The following ITPR2 variants were observed in gnomAD, a reference collection of about 807,000 sequenced individuals.
ITPR2 encodes the protein inositol 1,4,5-trisphosphate receptor type 2, also known as inositol 1,4,5-trisphosphate-gated calcium channel ITPR2.
A neutral mutation model predicts 317.1 loss-of-function variants in ITPR2; 207 were observed. That is an observed-to-expected ratio of 0.65 (90% confidence interval 0.58 to 0.73). The LOEUF (loss-of-function observed/expected upper bound fraction) is 0.73, where lower values mean the gene tolerates loss of function less well. Among genes scored for constraint, ITPR2 ranks in the 30% least tolerant of loss-of-function variants. The pLI, the probability that ITPR2 is intolerant of heterozygous loss-of-function variation, is 0.00. For missense variants in ITPR2, 2,613 were observed against 3,284.0 expected, an observed-to-expected ratio of 0.80 and a Z score of 4.99; for synonymous variants, 1,156 against 1,149.1, an observed-to-expected ratio of 1.01 and a Z score of -0.12.
At chr12:26,763,534 T>C (rs917585916) in intron 2 of ITPR2, among the ~76,000 whole-genome samples, 4 of 152,074 alleles carry the variant, frequency 2.6e-5, no homozygotes, top group Non-Finnish European at 4.4e-5. Flanking sequence ...AGGATAGTAG[T>C]TATCTTTGTG....
At chr12:26,378,545 T>C (rs1939412676) in intron 55 of ITPR2, among the ~76,000 whole-genome samples, 1 of 152,202 alleles carries the variant, frequency 6.6e-6, no homozygotes, top group African/African-American at 2.4e-5. Context: ...GGTGCAGTGG[T>C]GTGATTTGAC....
chr12:26,632,066 TGAGAAAA>T lies in ITPR2; in HGVS notation c.2741-14_2741-8del. The stretch of plus-strand genomic sequence containing the variant: ...GTTCTCATCACATTGTTTCCTGGCA[TGAGAAAA>T]TGCCGTAAGTCAACACACACAACCC... On this transcript the variant is annotated splice_region_variant and splice_polypyrimidine_tract_variant and intron_variant, in intron 21 of 56. Transcript: ENST00000381340. 1 of 1,527,068 alleles carries T rather than the reference TGAGAAAA, an allele frequency of 6.5e-7. No homozygotes were observed. Among genetic ancestry groups the T allele is most frequent in the South Asian group, 1.3e-5 (1 of 76,366 alleles). The allele number at this position is 1,527,068 out of a possible 1,614,324, so 94.6% of individuals were successfully genotyped here.
intron 37 of ITPR2, among the ~76,000 whole-genome samples, chr12:26,509,565 T>C (rs989335879): frequency 6.6e-6 from 1 of 152,216 alleles, no homozygotes; most frequent in African/African-American, 2.4e-5. Flanking sequence ...TGCATTTAGG[T>C]GCATCTGTGC....
intron 55 of ITPR2, among the ~76,000 whole-genome samples, chr12:26,367,160 T>C (rs1039911932): frequency 3.9e-5 from 6 of 152,180 alleles, no homozygotes; most frequent in African/African-American, 9.7e-5. Flanking sequence ...TTTGAGAAAA[T>C]TGTATAAAGT....
intron 39 of ITPR2, 119 bp downstream of exon 39, chr12:26,494,034 T>C (rs1436511796): frequency 5.8e-6 from 4 of 694,842 alleles, no homozygotes; most frequent in African/African-American, 5.6e-5. Flanking sequence ...ACATGGATTT[T>C]TTTTTTTTTA....
At chr12:26,476,837 T>C (rs1303108112) in intron 44 of ITPR2, 75 bp downstream of exon 44, 1 of 876,918 alleles carries the variant, frequency 1.1e-6, no homozygotes, top group Non-Finnish European at 1.8e-6. Context: ...TCAACTTTTT[T>C]TTCTGACATG....
At chr12:26,413,734 T>C (rs1940626583) in intron 51 of ITPR2, among the ~76,000 whole-genome samples, 1 of 152,158 alleles carries the variant, frequency 6.6e-6, no homozygotes, top group South Asian at 2.1e-4. Flanking sequence ...TGTGTATAAA[T>C]ATTTTTAAGT....
At chr12:26,353,348 C>CAACAA (rs1938541232) in intron 55 of ITPR2, among the ~76,000 whole-genome samples, 2 of 152,202 alleles carry the variant, frequency 1.3e-5, no homozygotes, top group Non-Finnish European at 2.9e-5. Context: ...AAAAGGTCAA[C>CAACAA]AACAAAACAA....
chr12:26,647,497 G>A (rs1263044632), intron 21 of ITPR2, among the ~76,000 whole-genome samples: 1 of 152,224 alleles, frequency 6.6e-6, no homozygotes, highest in Non-Finnish European at 1.5e-5. Context: ...TAAAACAGAT[G>A]TATGCTTCTA....
intron 13 of ITPR2, among the ~76,000 whole-genome samples, chr12:26,679,434 T>A (rs1289129539): frequency 6.6e-6 from 1 of 152,160 alleles, no homozygotes; most frequent in Non-Finnish European, 1.5e-5. Flanking sequence ...GTGAATCCCA[T>A]GAAGCCATCA....
intron 31 of ITPR2, 96 bp downstream of exon 31, chr12:26,596,787 A>G: frequency 2.1e-6 from 2 of 974,202 alleles, no homozygotes; most frequent in Non-Finnish European, 3.0e-6. Context: ...ATATGATCTC[A>G]TTATAAATAT....
intron 26 of ITPR2, among the ~76,000 whole-genome samples, chr12:26,605,019 C>T (rs1378777439): frequency 1.3e-5 from 2 of 149,126 alleles, no homozygotes; most frequent in East Asian, 2.0e-4. Context: ...ACCTGAGAGG[C>T]GGAGGTGGCA....
intron 26 of ITPR2, among the ~76,000 whole-genome samples, chr12:26,615,800 A>G (rs4964005): frequency 0.74 from 113,034 of 152,120 alleles, 42,316 homozygotes; most frequent in East Asian, 0.95. Flanking sequence ...ATTGATAAAC[A>G]TACCATTGTA....
At chr12:26,515,074 G>C (rs1037811739) in intron 37 of ITPR2, among the ~76,000 whole-genome samples, 9 of 152,080 alleles carry the variant, frequency 5.9e-5, no homozygotes, top group African/African-American at 2.2e-4. Flanking sequence ...CAACAGAATA[G>C]TGAAAAACAG....
intron 55 of ITPR2, among the ~76,000 whole-genome samples, chr12:26,353,073 C>T (rs1938532008): frequency 6.6e-6 from 1 of 152,078 alleles, no homozygotes; most frequent in African/African-American, 2.4e-5. Flanking sequence ...AATGACTGAC[C>T]CAAAGTTACA....
At chr12:26,694,625 C>T (rs540026840) in intron 10 of ITPR2, among the ~76,000 whole-genome samples, 2 of 152,246 alleles carry the variant, frequency 1.3e-5, no homozygotes, top group African/African-American at 4.8e-5. Flanking sequence ...ATAGTAAGAA[C>T]CAAAGAAGCC....
At chr12:26,384,976 A>T (rs896761974) in intron 55 of ITPR2, among the ~76,000 whole-genome samples, 1 of 152,042 alleles carries the variant, frequency 6.6e-6, no homozygotes, top group East Asian at 1.9e-4. Flanking sequence ...TGGTCATTCT[A>T]TGTGAACTGT....
chr12:26,775,129 G>A (rs1299667601), intron 2 of ITPR2, among the ~76,000 whole-genome samples: 1 of 152,038 alleles, frequency 6.6e-6, no homozygotes, highest in Non-Finnish European at 1.5e-5. Context: ...GTCTTCCAGG[G>A]TCTGATCCAC....
Position 26,419,180 on chromosome 12 carries a change from C to T in ITPR2, c.6979G>A (p.Val2327Ile). The T allele has an allele frequency of 1.2e-6, 2 of 1,613,536 alleles. No homozygotes were observed. Residue 2327 changes from valine (V) to isoleucine (I), a missense_variant, in exon 50 of 57, where the codon GTT becomes ATT. Val to Ile is a conservative substitution (Grantham distance 29, BLOSUM62 3). Transcript: ENST00000381340. ...CNKIVFLVSF[V>I]GNRGTFTRGY... ...CGGGTGAACGTGCCACGATTTCCAA[C>T]AAAACTCACCAGAAAAACAATTTTA...
Sources: allele counts gnomAD v4.1 joint callset (sites outside exome capture counted in the v4.1 genomes callset), GRCh38; gene constraint gnomAD v4.1.1; transcripts MANE v1.5; gene names NCBI Gene and HGNC (gene_info 2026-07-23, HGNC 2026-07-21).